Variants in PALM2AKAP2 observed in about 807,000 individuals in gnomAD.
PALM2AKAP2 encodes the protein PALM2-AKAP2 fusion protein.
Under a neutral mutation model 71.5 loss-of-function variants are expected in PALM2AKAP2, and 37 were observed. The observed-to-expected ratio is 0.52, with a 90% CI of 0.40 to 0.68. The LOEUF (loss-of-function observed/expected upper bound fraction) is 0.68. PALM2AKAP2 is among the 30% of genes least tolerant of loss of function. The probability of loss-of-function intolerance (pLI) is 0.00; values close to 1 mark genes in which losing one functional copy is unlikely to be tolerated. For missense variants in PALM2AKAP2, 1,224 were observed against 1,191.8 expected (o/e 1.03, Z -0.40); for synonymous variants, 468 against 478.8 (o/e 0.98, Z 0.29).
Position 109,833,686 on chromosome 9 carries a change from A to G in PALM2AKAP2, c.46-33805A>G, listed in dbSNP as rs182800995. On this transcript the variant is annotated intron_variant, in intron 1 of 9. Coordinates refer to the PALM2AKAP2 transcript ENST00000302798. ...TGTGTGGGACTGCCCTAAACAGTAC[A>G]GGGTACTTAGCATGTCTGCCCTCCC... Among the ~76,000 whole-genome samples the G allele has an allele frequency of 4.6e-3, 704 of 152,338 alleles. 3 individuals carry two copies. The highest frequency in any genetic ancestry group is 7.6e-3 in the Non-Finnish European group (520 of 68,022).
chr9:109,763,526 C>T (rs1829094801), intron 1 of PALM2AKAP2, among the ~76,000 whole-genome samples: 1 of 152,142 alleles, frequency 6.6e-6, no homozygotes, highest in Non-Finnish European at 1.5e-5. Flanking sequence ...GTGAAGCATT[C>T]ACAGGGTACT....
At chr9:109,788,016 G>A (rs1040362318) in intron 1 of PALM2AKAP2, among the ~76,000 whole-genome samples, 3 of 152,118 alleles carry the variant, frequency 2.0e-5, no homozygotes, top group African/African-American at 4.8e-5. Flanking sequence ...CCAGATGTTT[G>A]GATCATTGGA....
chr9:109,793,693 G>A (rs1010584855), intron 1 of PALM2AKAP2, among the ~76,000 whole-genome samples: 39 of 152,306 alleles, frequency 2.6e-4, no homozygotes, highest in African/African-American at 9.1e-4. Context: ...ACAATAGCCC[G>A]TGGGCCAAAT....
intron 1 of PALM2AKAP2, among the ~76,000 whole-genome samples, chr9:109,839,538 C>A (rs1389232027): frequency 2.0e-5 from 3 of 152,230 alleles, no homozygotes; most frequent in Middle Eastern, 3.4e-3. Flanking sequence ...CTGGCCAGGG[C>A]AGTCAGGCAG....
At chr9:109,815,935 T>C (rs921353069) in intron 1 of PALM2AKAP2, among the ~76,000 whole-genome samples, 2 of 152,132 alleles carry the variant, frequency 1.3e-5, no homozygotes, top group African/African-American at 2.4e-5. Flanking sequence ...AATGATGGTA[T>C]GGGGTCCCTG....
chr9:110,006,506 C>T (rs1044806131), intron 6 of PALM2AKAP2, among the ~76,000 whole-genome samples: 2 of 151,814 alleles, frequency 1.3e-5, no homozygotes, highest in Admixed American at 6.6e-5. Flanking sequence ...AGGCTTAGAC[C>T]TATGCCACCA....
At chr9:109,690,647 A>T (rs1271195665) in intron 1 of PALM2AKAP2, among the ~76,000 whole-genome samples, 1 of 152,198 alleles carries the variant, frequency 6.6e-6, no homozygotes, top group Non-Finnish European at 1.5e-5. Context: ...GAATTCAAAG[A>T]TAACATTAAC....
chr9:109,871,856 A>C (rs757802295), intron 2 of PALM2AKAP2, among the ~76,000 whole-genome samples: 1 of 152,190 alleles, frequency 6.6e-6, no homozygotes, highest in African/African-American at 2.4e-5. Flanking sequence ...GAATGTCTCC[A>C]TCTCAAACTC....
intron 1 of PALM2AKAP2, among the ~76,000 whole-genome samples, chr9:109,803,203 A>G (rs1259367331): frequency 2.6e-5 from 4 of 152,266 alleles, no homozygotes; most frequent in Non-Finnish European, 5.9e-5. Context: ...ACAATAGCAT[A>G]TCTTAGAATT....
At chr9:109,976,976 T>C (rs990910068) in intron 6 of PALM2AKAP2, among the ~76,000 whole-genome samples, 5 of 151,866 alleles carry the variant, frequency 3.3e-5, no homozygotes, top group African/African-American at 1.2e-4. Context: ...GCAAAAGCAA[T>C]ATGCCAGTGG....
At chr9:109,793,844 CTT>C (rs1827181053) in intron 1 of PALM2AKAP2, among the ~76,000 whole-genome samples, 2 of 152,196 alleles carry the variant, frequency 1.3e-5, no homozygotes, top group Admixed American at 1.3e-4. Flanking sequence ...CATAAATAAA[CTT>C]TTACCAGAGC....
At chr9:109,648,600 G>T (rs771753492) in intron 1 of PALM2AKAP2, among the ~76,000 whole-genome samples, 1 of 152,184 alleles carries the variant, frequency 6.6e-6, no homozygotes, top group South Asian at 2.1e-4. Context: ...TCAGGGAACA[G>T]GTTTCTGACT....
At chr9:109,998,932 C>T (rs140970350) in intron 6 of PALM2AKAP2, among the ~76,000 whole-genome samples, 70 of 152,228 alleles carry the variant, frequency 4.6e-4, no homozygotes, top group Non-Finnish European at 8.4e-4. Context: ...CCTCGAGGCC[C>T]CTTCCACTTC....
chr9:109,902,910 C>G (rs186412330), intron 3 of PALM2AKAP2, among the ~76,000 whole-genome samples: 2 of 152,304 alleles, frequency 1.3e-5, no homozygotes, highest in Admixed American at 1.3e-4. Context: ...GGTCCCTACT[C>G]AGTTCTCACT....
At chr9:110,149,285 T>C (rs188410329) in intron 2 of PALM2AKAP2, among the ~76,000 whole-genome samples, 9 of 152,354 alleles carry the variant, frequency 5.9e-5, no homozygotes, top group Non-Finnish European at 1.3e-4. Context: ...AGCACCACCA[T>C]TGCAGAGATG....
intron 6 of PALM2AKAP2, among the ~76,000 whole-genome samples, chr9:109,971,053 A>G (rs1832055566): frequency 6.6e-6 from 1 of 152,094 alleles, no homozygotes; most frequent in Non-Finnish European, 1.5e-5. Flanking sequence ...CGATCACACC[A>G]CTACACTGCA....
At chr9:109,806,908 A>T (rs1334957088) in intron 1 of PALM2AKAP2, among the ~76,000 whole-genome samples, 1 of 152,208 alleles carries the variant, frequency 6.6e-6, no homozygotes, top group African/African-American at 2.4e-5. Flanking sequence ...CAAGAATTGC[A>T]CAATCTGACC....
intron 1 of PALM2AKAP2, among the ~76,000 whole-genome samples, chr9:109,734,049 T>C (rs1319000343): frequency 6.6e-6 from 1 of 152,234 alleles, no homozygotes; most frequent in Non-Finnish European, 1.5e-5. Flanking sequence ...TTCTAGATGA[T>C]TTAACCTTGA....
intron 3 of PALM2AKAP2, among the ~76,000 whole-genome samples, chr9:109,913,989 C>T (rs1475099611): frequency 6.6e-6 from 1 of 152,114 alleles, no homozygotes; most frequent in East Asian, 1.9e-4. Context: ...ATCTCCTGAC[C>T]TCGTGATCCA....
Sources: allele counts gnomAD v4.1 joint callset (sites outside exome capture counted in the v4.1 genomes callset), GRCh38; gene constraint gnomAD v4.1.1; transcripts MANE v1.5; gene names NCBI Gene and HGNC (gene_info 2026-07-23, HGNC 2026-07-21).